The following CDH12 variants were observed in gnomAD, a reference collection of about 807,000 sequenced individuals.
CDH12 encodes cadherin 12, also known as cadherin-12.
Under a neutral mutation model 74.1 loss-of-function variants are expected in CDH12, and 41 were observed. That is an observed-to-expected ratio of 0.55 (90% CI 0.43 to 0.72). The LOEUF is 0.72. CDH12 is among the 30% of genes least tolerant of loss of function. The pLI, the probability that CDH12 is intolerant of heterozygous loss-of-function variation, is 0.00. For missense variants in CDH12, 945 were observed against 977.2 expected (o/e 0.97, Z 0.44); for synonymous variants, 399 against 355.0 (o/e 1.12, Z -1.39).
chr5:21,758,061 A>G (rs80225037), intron 13 of CDH12, among the ~76,000 whole-genome samples: 5,296 of 152,196 alleles, frequency 0.035, 113 homozygotes, highest in Middle Eastern at 0.071. Context: ...TCTTGCTTAA[A>G]CCTTTCAAAG....
intron 1 of CDH12, among the ~76,000 whole-genome samples, chr5:22,756,116 A>G (rs548849447): frequency 1.1e-3 from 161 of 147,834 alleles, no homozygotes; most frequent in African/African-American, 2.8e-3. Context: ...AAAAAAAAAA[A>G]AAAGAAAGAA....
intron 2 of CDH12, among the ~76,000 whole-genome samples, chr5:22,428,402 G>T (rs553688759): frequency 6.6e-6 from 1 of 151,940 alleles, no homozygotes; most frequent in Non-Finnish European, 1.5e-5. Context: ...ATGGTTTATT[G>T]CAGTGTTTCC....
chr5:22,554,396 G>C (rs1738707406), intron 1 of CDH12, among the ~76,000 whole-genome samples: 1 of 152,138 alleles, frequency 6.6e-6, no homozygotes, highest in South Asian at 2.1e-4. Flanking sequence ...GGGAGGCTAT[G>C]AATGGGTAGG....
At position 22,797,344 on chromosome 5, in the gene CDH12, A is replaced by T. The variant is rs114784186; in HGVS notation, c.-523+55714T>A. On this transcript the variant is annotated intron_variant, in intron 1 of 14. Coordinates refer to ENST00000382254, the MANE Select transcript of CDH12 (RefSeq NM_004061.5). ...ACTGCTCAGCCTCCAGAATGGTGAG[A>T]AGTAAATTAGTCTTGTTTGTAAGCT... Among the ~76,000 whole-genome samples, 996 of 152,228 alleles carry T rather than the reference A, an allele frequency of 6.5e-3. 10 individuals are homozygous for T. Among genetic ancestry groups the T allele is most frequent in the African/African-American group, 0.023 (962 of 41,542 alleles).
chr5:22,301,071 G>T (rs1279489782), intron 3 of CDH12, among the ~76,000 whole-genome samples: 1 of 141,988 alleles, frequency 7.0e-6, no homozygotes, highest in Non-Finnish European at 1.6e-5. Context: ...ATTAAAAATT[G>T]TGTGGATTTT....
intron 1 of CDH12, among the ~76,000 whole-genome samples, chr5:22,664,025 T>G (rs1177617532): frequency 4.6e-5 from 7 of 152,166 alleles, no homozygotes; most frequent in African/African-American, 7.2e-5. Flanking sequence ...AAAGTCCTTT[T>G]ATTATGCAGA....
Position 22,720,019 on chromosome 5 carries a change from T to C in CDH12, c.-523+133039A>G, listed in dbSNP as rs143481852. Among the ~76,000 whole-genome samples, 358 of 138,726 alleles carry C rather than the reference T, an allele frequency of 2.6e-3. 3 individuals are homozygous for C. Among genetic ancestry groups the C allele is most frequent in the African/African-American group, 9.2e-3 (345 of 37,696 alleles). 91.0% of individuals were successfully genotyped at this position (138,726 alleles called of 152,430 possible). On this transcript the variant is annotated intron_variant, in intron 1 of 14. Transcript: ENST00000382254. ...AACCAAAAAACTGCTGCCTCAGCAC[T>C]AGGATTCACAAAAACACAACACACA...
intron 1 of CDH12, among the ~76,000 whole-genome samples, chr5:22,741,183 T>G (rs771704078): frequency 6.6e-6 from 1 of 152,154 alleles, no homozygotes; most frequent in Non-Finnish European, 1.5e-5. Context: ...GGAAAATTTT[T>G]AGATGACTTT....
At chr5:21,989,388 G>C (rs1757653677) in intron 5 of CDH12, among the ~76,000 whole-genome samples, 1 of 152,134 alleles carries the variant, frequency 6.6e-6, no homozygotes, top group African/African-American at 2.4e-5. Context: ...TTTTAAACCA[G>C]TTAATTAGTT....
At chr5:22,536,174 T>C (rs573096762) in intron 1 of CDH12, among the ~76,000 whole-genome samples, 7 of 152,318 alleles carry the variant, frequency 4.6e-5, no homozygotes, top group African/African-American at 1.7e-4. Flanking sequence ...TGTTCTCAAG[T>C]AGCAAGTGTG....
intron 8 of CDH12, among the ~76,000 whole-genome samples, chr5:21,829,385 G>A (rs573495947): frequency 1.3e-5 from 2 of 152,148 alleles, no homozygotes; most frequent in Non-Finnish European, 2.9e-5. Flanking sequence ...AATTAAAATT[G>A]TATCTTCTTT....
chr5:22,399,084 T>G (rs1417003664), intron 3 of CDH12, among the ~76,000 whole-genome samples: 1 of 152,108 alleles, frequency 6.6e-6, no homozygotes, highest in Non-Finnish European at 1.5e-5. Flanking sequence ...GCTAGTGTAT[T>G]TGTGTGTATG....
chr5:22,099,272 C>G (rs1193900650), intron 4 of CDH12, among the ~76,000 whole-genome samples: 1 of 152,134 alleles, frequency 6.6e-6, no homozygotes, highest in Non-Finnish European at 1.5e-5. Context: ...AGTCGAATCA[C>G]CCAAGCAGTT....
At chr5:21,804,101 T>C (rs1293366166) in intron 9 of CDH12, among the ~76,000 whole-genome samples, 1 of 152,188 alleles carries the variant, frequency 6.6e-6, no homozygotes, top group Non-Finnish European at 1.5e-5. Context: ...AATCAATGTT[T>C]TCTTTTTACT....
At chr5:21,929,004 C>T (rs1303532198) in intron 6 of CDH12, among the ~76,000 whole-genome samples, 1 of 152,018 alleles carries the variant, frequency 6.6e-6, no homozygotes, top group East Asian at 1.9e-4. Flanking sequence ...ACCCAGAATT[C>T]ACCCTTCCTG....
intron 11 of CDH12, 106 bp from the exon 12 acceptor site, chr5:21,765,205 G>GA (rs1178456936): frequency 6.9e-5 from 63 of 908,372 alleles, no homozygotes; most frequent in Middle Eastern, 3.0e-4. Flanking sequence ...TATATAGAAT[G>GA]AAAAAAAATC....
chr5:22,390,616 AGATAGATG>A (rs1164794621), intron 3 of CDH12, among the ~76,000 whole-genome samples: 4 of 147,696 alleles, frequency 2.7e-5, no homozygotes, highest in East Asian at 2.0e-4. Flanking sequence ...ATAGATAGAT[AGATAGATG>A]ATAGAATATT....
intron 4 of CDH12, among the ~76,000 whole-genome samples, chr5:22,154,683 A>T (rs1049954468): frequency 3.3e-5 from 5 of 151,846 alleles, no homozygotes; most frequent in African/African-American, 1.2e-4. Flanking sequence ...TCAAAAATAA[A>T]ATAAAAATTG....
chr5:22,493,295 A>T (rs898073789), intron 2 of CDH12, among the ~76,000 whole-genome samples: 8 of 152,162 alleles, frequency 5.3e-5, no homozygotes, highest in Non-Finnish European at 8.8e-5. Flanking sequence ...TAAATTAATA[A>T]TTCATTTGTT....
Sources: allele counts gnomAD v4.1 joint callset (sites outside exome capture counted in the v4.1 genomes callset), GRCh38; gene constraint gnomAD v4.1.1; transcripts MANE v1.5; gene names NCBI Gene and HGNC (gene_info 2026-07-23, HGNC 2026-07-21).